SH2D4A: variants seen among roughly 807,000 people sequenced by gnomAD.
SH2D4A encodes SH2 domain-containing protein 4A.
Under a neutral mutation model 64.7 loss-of-function variants are expected in SH2D4A, and 70 were observed. The observed-to-expected ratio is 1.08, with a 90% CI of 0.89 to 1.32. The LOEUF (loss-of-function observed/expected upper bound fraction) is 1.32. SH2D4A is among the 40% of genes most tolerant of loss of function. The probability of loss-of-function intolerance (pLI) is 0.00; values close to 1 mark genes in which losing one functional copy is unlikely to be tolerated. For synonymous variants in SH2D4A, 268 were observed against 200.7 expected, an observed-to-expected ratio of 1.34 and a Z score of -2.83; for missense variants, 706 against 540.1, an observed-to-expected ratio of 1.31 and a Z score of -3.04.
chr8:19,374,120 A>G (rs1470196982), intron 8 of SH2D4A, among the ~76,000 whole-genome samples: 1 of 152,186 alleles, frequency 6.6e-6, no homozygotes, highest in Non-Finnish European at 1.5e-5. Flanking sequence ...CCCATCTGTT[A>G]AATGAAGGAG....
chr8:19,347,230 C>G (rs2117245721), intron 4 of SH2D4A, among the ~76,000 whole-genome samples: 1 of 152,324 alleles, frequency 6.6e-6, no homozygotes, highest in East Asian at 1.9e-4. Flanking sequence ...CTGGATTTCT[C>G]TGTCCTCCTG....
At chr8:19,334,356 G>A (rs190362406) in intron 3 of SH2D4A, among the ~76,000 whole-genome samples, 4 of 145,260 alleles carry the variant, frequency 2.8e-5, no homozygotes, top group East Asian at 3.9e-4. Context: ...GGAAGCAGAC[G>A]GTGTGGTTCT....
intron 8 of SH2D4A, among the ~76,000 whole-genome samples, chr8:19,382,823 C>CTTT (rs1159245319): frequency 0.021 from 1,332 of 64,654 alleles, 83 homozygotes; most frequent in African/African-American, 0.043. Flanking sequence ...TTTTAAGATT[C>CTTT]TTTTTTTTTT....
intron 8 of SH2D4A, among the ~76,000 whole-genome samples, chr8:19,382,595 C>T (rs868522071): frequency 7.2e-5 from 11 of 151,986 alleles, no homozygotes; most frequent in South Asian, 6.2e-4. Flanking sequence ...CAAATTATGA[C>T]GTTCTGTAAG....
chr8:19,369,071 G>A (rs2053050692), intron 7 of SH2D4A, among the ~76,000 whole-genome samples: 1 of 152,098 alleles, frequency 6.6e-6, no homozygotes. Flanking sequence ...TGCTTTACCT[G>A]TGTCTGTTGA....
chr8:19,337,502 C>A (rs1280002279), intron 4 of SH2D4A, among the ~76,000 whole-genome samples: 1 of 151,952 alleles, frequency 6.6e-6, no homozygotes, highest in Non-Finnish European at 1.5e-5. Flanking sequence ...GATCCTAAAT[C>A]CCAAGACAAG....
At position 19,361,314 on chromosome 8, in the gene SH2D4A, C is replaced by T. The variant is rs532388029; in HGVS notation, c.706C>T (p.Leu236=). The T allele has an allele frequency of 3.7e-6, 6 of 1,608,322 alleles. No individual in the cohort carries two copies. In the African/African-American group the frequency reaches 5.4e-5, roughly 14 times the overall value. ...AGAAGACTCGGAATGGCAGGCATCT[C>T]GTGAGTACCCAGAGGTCTCCATAGC... is the stretch of plus-strand genomic sequence containing the variant. The part of the protein sequence containing the change: ...WKEDSEWQAS[L]RKSKAADEKR... The change falls in exon 6 of 10, where the codon CTG becomes TTG. Residue 236 remains leucine (L), a splice_region_variant and synonymous_variant. Transcript: ENST00000265807.
At position 19,392,260 on chromosome 8, in the gene SH2D4A, A is replaced by T. The variant is rs190886603; in HGVS notation, c.1049-1058A>T. On this transcript the variant is annotated intron_variant, in intron 8 of 9. Transcript: ENST00000265807. The stretch of plus-strand genomic sequence containing the variant: ...GTTTTATTCCTTTAAATGCCAGTGT[A>T]GTGTCATTTAGCAATAGCTACAGGC... Among the ~76,000 whole-genome samples, 67 of 152,312 alleles carry T rather than the reference A, an allele frequency of 4.4e-4. 1 individual carries two copies. Among genetic ancestry groups the T allele is most frequent in the African/African-American group, 1.5e-3 (63 of 41,568 alleles).
At chr8:19,341,338 C>T (rs1454295074) in intron 4 of SH2D4A, among the ~76,000 whole-genome samples, 1 of 152,150 alleles carries the variant, frequency 6.6e-6, no homozygotes, top group Admixed American at 6.5e-5. Context: ...TTCAAAATTG[C>T]ATTGTATATG....
chr8:19,363,789 C>A, intron 6 of SH2D4A: 1 of 433,636 alleles, frequency 2.3e-6, no homozygotes, highest in East Asian at 4.4e-5. Flanking sequence ...GCAGGAAATT[C>A]TTGCACACTT....
At chr8:19,335,577 G>A (rs2052433624) in intron 4 of SH2D4A, among the ~76,000 whole-genome samples, 1 of 152,174 alleles carries the variant, frequency 6.6e-6, no homozygotes, top group Non-Finnish European at 1.5e-5. Context: ...ACAAATGAAT[G>A]AGCATGGCTG....
At position 19,333,005 on chromosome 8, in the gene SH2D4A, G is replaced by A. The variant is rs2052387944; in HGVS notation, c.232G>A (p.Val78Ile). The change falls in exon 3 of 10, where the codon GTA (valine) becomes ATA (isoleucine). Residue 78 changes from valine to isoleucine, a missense_variant. Coordinates refer to ENST00000265807, the MANE Select transcript of SH2D4A (RefSeq NM_022071.4). ...WKLGADKEVWVWVMGEHHLDK... is the reference protein window; with the variant it reads ...WKLGADKEVWIWVMGEHHLDK... ...ACTTGGAGCTGATAAGGAAGTCTGGGTATGGGTGATGGGCGAACACCATCT... is the reference window on the plus strand; with the variant it reads ...ACTTGGAGCTGATAAGGAAGTCTGGATATGGGTGATGGGCGAACACCATCT... 1 of 1,614,086 alleles carries A rather than the reference G, an allele frequency of 6.2e-7. No homozygotes were observed. Among genetic ancestry groups the A allele is most frequent in the Non-Finnish European group, 8.5e-7 (1 of 1,180,014 alleles).
intron 4 of SH2D4A, among the ~76,000 whole-genome samples, 193 bp downstream of exon 4, chr8:19,335,050 A>T (rs186339603): frequency 1.3e-5 from 2 of 152,114 alleles, no homozygotes; most frequent in African/African-American, 4.8e-5. Context: ...TTGGGAGGCC[A>T]AGGCGGGCGG....
intron 1 of SH2D4A, 29 bp downstream of exon 1, chr8:19,313,852 G>C (rs1341816348): frequency 6.9e-7 from 1 of 1,459,170 alleles, no homozygotes; most frequent in Non-Finnish European, 9.0e-7. Flanking sequence ...GCGAGGCTTT[G>C]GGGAGAGTGT....
intron 8 of SH2D4A, among the ~76,000 whole-genome samples, chr8:19,374,849 C>A (rs771609551): frequency 1.3e-5 from 2 of 152,144 alleles, no homozygotes; most frequent in Admixed American, 6.6e-5. Flanking sequence ...TTAGCCGCGG[C>A]TGTCTCAGCT....
At chr8:19,338,817 C>A (rs1051376564) in intron 4 of SH2D4A, among the ~76,000 whole-genome samples, 11 of 152,142 alleles carry the variant, frequency 7.2e-5, no homozygotes, top group African/African-American at 2.7e-4. Flanking sequence ...AGTGGAAAAC[C>A]AGTACAATCT....
intron 8 of SH2D4A, among the ~76,000 whole-genome samples, chr8:19,391,918 A>G (rs941519733): frequency 2.6e-5 from 4 of 152,184 alleles, no homozygotes; most frequent in African/African-American, 9.6e-5. Context: ...CAGGGAGCCA[A>G]CAAGAGAAGG....
chr8:19,323,898 G>A (rs139716708), intron 2 of SH2D4A, among the ~76,000 whole-genome samples: 3 of 152,300 alleles, frequency 2.0e-5, no homozygotes, highest in African/African-American at 7.2e-5. Context: ...GGAAAGTCAA[G>A]CTCAGGGACG....
intron 4 of SH2D4A, among the ~76,000 whole-genome samples, chr8:19,348,835 G>A (rs1052915445): frequency 6.6e-6 from 1 of 152,174 alleles, no homozygotes; most frequent in African/African-American, 2.4e-5. Flanking sequence ...AGGCGGGGTT[G>A]AGAAGCCTGC....
Sources: allele counts gnomAD v4.1 joint callset (sites outside exome capture counted in the v4.1 genomes callset), GRCh38; gene constraint gnomAD v4.1.1; transcripts MANE v1.5; gene names NCBI Gene and HGNC (gene_info 2026-07-23, HGNC 2026-07-21).